GRIN2A: variants seen among roughly 807,000 people sequenced by gnomAD.
The protein encoded by GRIN2A is glutamate ionotropic receptor NMDA type subunit 2A, also known as glutamate receptor ionotropic, NMDA 2A.
A neutral mutation model predicts 113.4 loss-of-function variants in GRIN2A; 22 were observed. The observed-to-expected ratio is 0.19, with a 90% CI of 0.14 to 0.28. The LOEUF (loss-of-function observed/expected upper bound fraction) is 0.28. GRIN2A is among the 10% of genes least tolerant of loss of function. The pLI is 1.00. For synonymous variants in GRIN2A, 827 were observed against 738.4 expected (o/e 1.12, Z -1.94); for missense variants, 1,502 against 1,887.0 (o/e 0.80, Z 3.78).
At chr16:10,167,204 C>T (rs1013809553) in intron 2 of GRIN2A, among the ~76,000 whole-genome samples, 3 of 152,060 alleles carry the variant, frequency 2.0e-5, no homozygotes, top group African/African-American at 7.2e-5. Context: ...CCTGAAATTG[C>T]ACATAATTTT....
rs1240144483 is a variant in GRIN2A at position 9,938,004 on chromosome 16, T to C, written c.962A>G (p.Tyr321Cys). ...SYIPEAKASC[Y>C]GQMERPEVPM... is the part of the protein sequence containing the mutation. ...GACCTCTGGCCTCTCCATCTGCCCG[T>C]AGCAGCTGGCCTTGGCCTCGGGGAT... Residue 321 changes from tyrosine to cysteine, a missense_variant, in exon 3 of 13, where the codon TAC becomes TGC. Physicochemically the swap from Tyr to Cys is radical, Grantham distance 194 (BLOSUM62 -2). Around this residue, in one of 7 missense-constraint regions of GRIN2A, gnomAD observed 334 missense variants for 403.0 expected, o/e 0.83. Transcript: ENST00000330684. 1.2e-6 allele frequency: 2 copies of C among 1,614,064 alleles called. No homozygotes were observed. Among genetic ancestry groups the C allele is most frequent in the Admixed American group, 1.7e-5 (1 of 60,032 alleles).
rs376355022 is a variant in GRIN2A, at chr16:10,121,433, C to G, written c.414+58565G>C. On this transcript the variant is annotated intron_variant, in intron 2 of 12. Transcript: ENST00000330684. ...TCAGAATAACATCCGAAGATTACCC[C>G]ACAGATACCTTCTCCTCTGGAATCG... 4.6e-5 allele frequency: 7 copies of G among 151,944 alleles called. No homozygotes were observed. The East Asian group carries it at 9.7e-4, about 21-fold the overall frequency. The allele number at this position is 151,944 out of a possible 1,614,324, so 9.4% of individuals were successfully genotyped here. A position where few individuals can be genotyped will look rare whatever the true frequency, so the allele number is the denominator to read the frequency against.
intron 10 of GRIN2A, among the ~76,000 whole-genome samples, chr16:9,821,539 A>G (rs1320167900): frequency 6.6e-6 from 1 of 152,228 alleles, no homozygotes; most frequent in African/African-American, 2.4e-5. Context: ...CCTTTACAAT[A>G]AATAACAACA....
At chr16:10,052,454 C>G (rs896128414) in intron 2 of GRIN2A, among the ~76,000 whole-genome samples, 4 of 152,212 alleles carry the variant, frequency 2.6e-5, no homozygotes, top group Admixed American at 2.0e-4. Flanking sequence ...GAACTTCCAA[C>G]AGGAACGGTC....
chr16:10,006,364 C>A (rs1249613280), intron 2 of GRIN2A, among the ~76,000 whole-genome samples: 2 of 152,118 alleles, frequency 1.3e-5, no homozygotes, highest in African/African-American at 2.4e-5. Flanking sequence ...GTGTGCAAGA[C>A]AAAATGGGCC....
chr16:10,111,894 C>A (rs746275647), intron 2 of GRIN2A: 56 of 867,008 alleles, frequency 6.5e-5, no homozygotes, highest in Non-Finnish European at 1.1e-4. Context: ...AGAAGGACCA[C>A]ACCACCCTCC....
chr16:9,946,667 G>T (rs778916884), intron 2 of GRIN2A, among the ~76,000 whole-genome samples: 3 of 152,124 alleles, frequency 2.0e-5, no homozygotes, highest in African/African-American at 7.2e-5. Flanking sequence ...TAATTCGGGG[G>T]TGGAACATTT....
chr16:10,012,142 T>C (rs1318776852), intron 2 of GRIN2A, among the ~76,000 whole-genome samples: 1 of 152,206 alleles, frequency 6.6e-6, no homozygotes, highest in Non-Finnish European at 1.5e-5. Context: ...CAATCTGAAA[T>C]GTTTTCTTGA....
chr16:10,076,771 C>A (rs147633619), intron 2 of GRIN2A, among the ~76,000 whole-genome samples: 126 of 152,330 alleles, frequency 8.3e-4, no homozygotes, highest in African/African-American at 2.7e-3. Context: ...GCTACCTACA[C>A]TTCTGAAAAG....
At chr16:9,944,683 C>G (rs970072052) in intron 2 of GRIN2A, among the ~76,000 whole-genome samples, 1 of 151,964 alleles carries the variant, frequency 6.6e-6, no homozygotes, top group African/African-American at 2.4e-5. Flanking sequence ...GGTAGGGCAC[C>G]GTGCCCTCCT....
chr16:9,979,619 G>C (rs1286971751), intron 2 of GRIN2A, among the ~76,000 whole-genome samples: 2 of 151,868 alleles, frequency 1.3e-5, no homozygotes, highest in Admixed American at 1.3e-4. Context: ...TTTTTCACCT[G>C]TGTATTGATG....
At chr16:10,072,966 T>TTTC (rs1555474416) in intron 2 of GRIN2A, among the ~76,000 whole-genome samples, 11 of 142,254 alleles carry the variant, frequency 7.7e-5, no homozygotes, top group East Asian at 2.1e-4. Context: ...TTTTTTTTTT[T>TTTC]TGAGACAGAG....
At position 10,182,213 on chromosome 16, in the gene GRIN2A, G is replaced by C. The variant is rs2050286177; in HGVS notation, c.-355C>G. The C allele has an allele frequency of 6.5e-6, 1 of 153,042 alleles. No homozygotes were observed. Among genetic ancestry groups the C allele is most frequent in the South Asian group, 2.1e-4 (1 of 4,844 alleles). The allele number at this position is 153,042 out of a possible 1,614,324, so 9.5% of individuals were successfully genotyped here. On this transcript the variant is annotated 5_prime_UTR_variant, in exon 1 of 13. It adds an upstream start codon to the 5' untranslated region. Transcript: ENST00000330684. Reference sequence around the variant, plus strand: ...GACAAGAGGGGGGAAGCTGAAGCCCGATGCCCACGACGCCCCCAGTGCGGA... The same window carrying C: ...GACAAGAGGGGGGAAGCTGAAGCCCCATGCCCACGACGCCCCCAGTGCGGA...
At chr16:10,092,782 C>T (rs1170052484) in intron 2 of GRIN2A, among the ~76,000 whole-genome samples, 5 of 151,960 alleles carry the variant, frequency 3.3e-5, no homozygotes, top group Admixed American at 3.3e-4. Flanking sequence ...TTCTCTTAAG[C>T]CCTCCATCTC....
chr16:10,130,217 C>T (rs1043366011), intron 2 of GRIN2A, among the ~76,000 whole-genome samples: 10 of 152,286 alleles, frequency 6.6e-5, no homozygotes, highest in South Asian at 6.2e-4. Context: ...TGGGACTCCA[C>T]GGCAGGGTTC....
intron 4 of GRIN2A, among the ~76,000 whole-genome samples, chr16:9,863,279 T>C (rs2043102638): frequency 6.6e-6 from 1 of 152,168 alleles, no homozygotes. Flanking sequence ...GTCCTGAGAG[T>C]TGGAGAAGCC....
chr16:9,871,743 C>G (rs12929074), intron 4 of GRIN2A, among the ~76,000 whole-genome samples: 8 of 152,056 alleles, frequency 5.3e-5, no homozygotes, highest in African/African-American at 1.9e-4. Context: ...GTGGTTGGCT[C>G]AGGACCTGTG....
chr16:9,840,606 T>C (rs1429905852), intron 7 of GRIN2A, 41 bp downstream of exon 7: 2 of 1,576,042 alleles, frequency 1.3e-6, no homozygotes, highest in Non-Finnish European at 1.7e-6. Flanking sequence ...TTTCCTACAA[T>C]TCCTTATAGG....
intron 2 of GRIN2A, among the ~76,000 whole-genome samples, chr16:9,980,862 C>G (rs1232065472): frequency 6.7e-6 from 1 of 148,920 alleles, no homozygotes; most frequent in East Asian, 2.0e-4. Flanking sequence ...GGGGGAGGGA[C>G]AGCATTAGGA....
Sources: allele counts gnomAD v4.1 joint callset (sites outside exome capture counted in the v4.1 genomes callset), GRCh38; gene constraint gnomAD v4.1.1; regional missense constraint gnomAD v4.1.1; transcripts MANE v1.5; gene names NCBI Gene and HGNC (gene_info 2026-07-23, HGNC 2026-07-21).